Variants in ENTREP2 observed in about 807,000 individuals in gnomAD.
ENTREP2 encodes the protein protein ENTREP2.
At chr15:29,543,232 C>T in the ENTREP2 span, among the ~76,000 whole-genome samples, 2 of 152,278 alleles carry the variant, frequency 1.3e-5, no homozygotes, top group South Asian at 2.1e-4. Flanking sequence ...TAATGCTGCA[C>T]GTACACAGAG....
the ENTREP2 span, among the ~76,000 whole-genome samples, chr15:29,124,086 G>A: frequency 5.3e-5 from 8 of 151,600 alleles, no homozygotes; most frequent in African/African-American, 1.7e-4. Context: ...ACATGAGACC[G>A]CCCCCCCCAT....
At chr15:29,608,441 A>T in the ENTREP2 span, among the ~76,000 whole-genome samples, 1 of 151,616 alleles carries the variant, frequency 6.6e-6, no homozygotes, top group African/African-American at 2.4e-5. Flanking sequence ...CTTTCTCCTG[A>T]GTGTGGAGCC....
the ENTREP2 span, among the ~76,000 whole-genome samples, chr15:29,296,432 AAAC>A: frequency 6.6e-6 from 1 of 152,168 alleles, no homozygotes; most frequent in Admixed American, 6.5e-5. Flanking sequence ...CTATTTTAAA[AAAC>A]ACATGAAATC....
chr15:29,361,589 A>C, the ENTREP2 span, among the ~76,000 whole-genome samples: 3 of 152,168 alleles, frequency 2.0e-5, no homozygotes, highest in Admixed American at 1.3e-4. Context: ...ACCATATCTT[A>C]ACCTTCTTAG....
At chr15:29,213,718 T>C in the ENTREP2 span, among the ~76,000 whole-genome samples, 1 of 151,966 alleles carries the variant, frequency 6.6e-6, no homozygotes, top group African/African-American at 2.4e-5. Context: ...CTAGATATAC[T>C]ATCACAGCAA....
the ENTREP2 span, among the ~76,000 whole-genome samples, chr15:29,223,109 C>T: frequency 6.6e-6 from 1 of 152,204 alleles, no homozygotes; most frequent in African/African-American, 2.4e-5. Context: ...AGGGCTGCTG[C>T]TGACTGGTCA....
the ENTREP2 span, among the ~76,000 whole-genome samples, chr15:29,219,777 C>G: frequency 6.6e-6 from 1 of 151,074 alleles, no homozygotes; most frequent in Non-Finnish European, 1.5e-5. Context: ...GAAAACCAAA[C>G]ATCGTATGTT....
At chr15:29,604,551 A>T in the ENTREP2 span, among the ~76,000 whole-genome samples, 2 of 152,194 alleles carry the variant, frequency 1.3e-5, no homozygotes, top group African/African-American at 4.8e-5. Flanking sequence ...TAAATCCCTG[A>T]AGTCATTATA....
At chr15:29,396,175 T>C in the ENTREP2 span, among the ~76,000 whole-genome samples, 3 of 152,206 alleles carry the variant, frequency 2.0e-5, no homozygotes, top group Non-Finnish European at 4.4e-5. Context: ...TATTATTAAG[T>C]ATAGTCACTA....
the ENTREP2 span, among the ~76,000 whole-genome samples, chr15:29,215,953 G>A: frequency 2.0e-5 from 3 of 152,148 alleles, no homozygotes; most frequent in Non-Finnish European, 4.4e-5. Flanking sequence ...TACATTCAAT[G>A]TTAGTATTGA....
chr15:29,506,427 G>C, the ENTREP2 span, among the ~76,000 whole-genome samples: 1 of 152,082 alleles, frequency 6.6e-6, no homozygotes, highest in African/African-American at 2.4e-5. Flanking sequence ...GATACTCCTC[G>C]AGAAGAGCAA....
chr15:29,118,187 TAAG>T, the ENTREP2 span: 18 of 152,658 alleles, frequency 1.2e-4, no homozygotes, highest in Admixed American at 1.2e-3. Flanking sequence ...CACTGTGACT[TAAG>T]AAGCCTTACC....
the ENTREP2 span, among the ~76,000 whole-genome samples, chr15:29,575,326 A>C: frequency 2.7e-4 from 41 of 152,306 alleles, no homozygotes; most frequent in East Asian, 7.9e-3. Flanking sequence ...TATGAATAGA[A>C]TTTTTAAAAC....
chr15:29,350,745 C>A, the ENTREP2 span, among the ~76,000 whole-genome samples: 1 of 152,126 alleles, frequency 6.6e-6, no homozygotes, highest in Non-Finnish European at 1.5e-5. Context: ...GAGTTTGAGA[C>A]CAGCCTAGCC....
chr15:29,356,258 G>A, the ENTREP2 span, among the ~76,000 whole-genome samples: 7 of 76,004 alleles, frequency 9.2e-5, no homozygotes, highest in Non-Finnish European at 1.1e-4. Context: ...GTATATATAT[G>A]TGTGTGTGTG....
chr15:29,668,441 C>T, the ENTREP2 span, among the ~76,000 whole-genome samples: 1 of 152,182 alleles, frequency 6.6e-6, no homozygotes, highest in African/African-American at 2.4e-5. Context: ...AACATGTCCA[C>T]ATAGACACTT....
chr15:29,626,334 T>C, the ENTREP2 span, among the ~76,000 whole-genome samples: 1 of 152,036 alleles, frequency 6.6e-6, no homozygotes, highest in African/African-American at 2.4e-5. Context: ...ATGGGGGCGG[T>C]TTCCCCCATA....
the ENTREP2 span, among the ~76,000 whole-genome samples, chr15:29,585,371 G>C: frequency 6.6e-6 from 1 of 152,092 alleles, no homozygotes; most frequent in Admixed American, 6.5e-5. Context: ...TCGAAAAAAA[G>C]AAATAGCCAA....
the ENTREP2 span, chr15:29,268,632 C>T: frequency 5.0e-6 from 3 of 595,874 alleles, no homozygotes; most frequent in South Asian, 3.9e-5. Flanking sequence ...AATAACACAA[C>T]ATTAAAAAAA....
Sources: allele counts gnomAD v4.1 joint callset (sites outside exome capture counted in the v4.1 genomes callset), GRCh38; gene constraint gnomAD v4.1.1; transcripts MANE v1.5; gene names NCBI Gene and HGNC (gene_info 2026-07-23, HGNC 2026-07-21).